ALG8: variants seen among roughly 807,000 people sequenced by gnomAD.
ALG8 encodes the protein dolichyl pyrophosphate Glc1Man9GlcNAc2 alpha-1,3-glucosyltransferase.
ALG8 carries 48 observed loss-of-function variants against 70.2 expected under a neutral mutation model. That is an observed-to-expected ratio of 0.68 (90% CI 0.54 to 0.87). ALG8 has a LOEUF of 0.87. Ranked by LOEUF, ALG8 falls within the 40% of genes least tolerant of loss-of-function variation. ALG8 has a pLI of 0.00. For missense variants in ALG8, 572 were observed against 608.7 expected (o/e 0.94, Z 0.64); for synonymous variants, 234 against 229.0 (o/e 1.02, Z -0.20).
chr11:78,119,029 T>C (rs376643624), intron 5 of ALG8, among the ~76,000 whole-genome samples, 153 bp downstream of exon 5: 46 of 152,356 alleles, frequency 3.0e-4, no homozygotes, highest in African/African-American at 9.6e-4. Context: ...AAAGAGAAGA[T>C]GGAATTTGTG....
At chr11:78,120,537 A>C (rs1312798010) in intron 4 of ALG8, among the ~76,000 whole-genome samples, 1 of 152,192 alleles carries the variant, frequency 6.6e-6, no homozygotes, top group African/African-American at 2.4e-5. Context: ...GTTACATTGA[A>C]ACCAGAGGCT....
intron 3 of ALG8, among the ~76,000 whole-genome samples, chr11:78,121,413 T>C (rs1343341355): frequency 6.6e-6 from 1 of 151,490 alleles, no homozygotes; most frequent in African/African-American, 2.4e-5. Context: ...CCAAAGTCCA[T>C]GCCATTCTTT....
intron 10 of ALG8, among the ~76,000 whole-genome samples, chr11:78,105,208 T>C (rs1229283897): frequency 6.6e-6 from 1 of 152,174 alleles, no homozygotes; most frequent in Non-Finnish European, 1.5e-5. Flanking sequence ...AGCTGCTAAA[T>C]AAACCCAGAC....
At chr11:78,112,484 G>A (rs1268292315) in intron 8 of ALG8, 166 bp downstream of exon 8, 3 of 926,568 alleles carry the variant, frequency 3.2e-6, no homozygotes, top group African/African-American at 1.7e-5. Context: ...CTGCACTAAA[G>A]CCTCAGTCCC....
rs928560857 is a variant in ALG8, at chr11:78,130,361, A to AAAAAAAAGAAAAGAAAAGAAAG, written c.96-2926_96-2925insCTTTCTTTTCTTTTCTTTTTTT. ...AAGACCCGGTCTCAAAAAAAAAAAAAAAAAAAGGTGAGAATATCAATACCT... is the reference window on the plus strand; with the variant it reads ...AAGACCCGGTCTCAAAAAAAAAAAAAAAAAAAAGAAAAGAAAAGAAAGAAAAAAGGTGAGAATATCAATACCT... On this transcript the variant is annotated intron_variant, in intron 1 of 12. Transcript: ENST00000299626. Among the ~76,000 whole-genome samples, 164 of 132,694 alleles carry AAAAAAAAGAAAAGAAAAGAAAG rather than the reference A, an allele frequency of 1.2e-3. 7 individuals are homozygous for AAAAAAAAGAAAAGAAAAGAAAG. The highest frequency in any genetic ancestry group is 4.7e-3 in the African/African-American group (148 of 31,686). The allele number at this position is 132,694 out of a possible 152,430, so 87.1% of individuals were successfully genotyped here.
At chr11:78,139,361 TAGCAAAGGCA>T (rs1270497618) in intron 1 of ALG8, 123 bp downstream of exon 1, 29 of 916,776 alleles carry the variant, frequency 3.2e-5, no homozygotes, top group Non-Finnish European at 4.7e-5. Context: ...ACAGAAAGCT[TAGCAAAGGCA>T]GGATAGCGAC....
At chr11:78,120,486 T>C (rs768059843) in intron 4 of ALG8, among the ~76,000 whole-genome samples, 3 of 149,324 alleles carry the variant, frequency 2.0e-5, no homozygotes, top group African/African-American at 5.2e-5. Context: ...CATCTACTCA[T>C]GGTTCTAAAG....
intron 3 of ALG8, 101 bp from the exon 4 acceptor site, chr11:78,121,275 C>A: frequency 3.8e-6 from 3 of 788,170 alleles, no homozygotes; most frequent in Non-Finnish European, 6.4e-6. Context: ...TCCTGACAAA[C>A]TACATGCCAT....
Position 78,124,148 on chromosome 11 carries a change from C to T in ALG8, c.241G>A (p.Val81Ile). The change falls in exon 3 of 13, where the codon GTT (valine) becomes ATT (isoleucine). Residue 81 changes from valine to isoleucine, a missense_variant. Coordinates refer to ENST00000299626, the MANE Select transcript of ALG8 (RefSeq NM_024079.5). ...ATTTCTTGATCAAAATATTTGGCAA[C>T]ATGTGACAGGATATACTCAAACCAT... ...FAWFEYILSH[V>I]AKYFDQEMLN... The T allele has an allele frequency of 6.2e-7, 1 of 1,614,108 alleles. No individual in the cohort carries two copies. The highest frequency in any genetic ancestry group is 1.7e-4 in the Middle Eastern group (1 of 6,060).
intron 3 of ALG8, 59 bp downstream of exon 3, chr11:78,123,962 C>G: frequency 6.3e-7 from 1 of 1,577,658 alleles, no homozygotes; most frequent in Non-Finnish European, 8.7e-7. Context: ...GTTAATACTA[C>G]TTAACACTGT....
In ALG8 at chr11:78,127,449, A is replaced by T; in HGVS notation, c.96-13T>A. 6.2e-7 allele frequency: 1 copy of T among 1,607,958 alleles called. No homozygotes were observed. The highest frequency in any genetic ancestry group is 8.5e-7 in the Non-Finnish European group (1 of 1,174,538). On this transcript the variant is annotated splice_polypyrimidine_tract_variant and intron_variant, in intron 1 of 12. Coordinates refer to ENST00000299626, the MANE Select transcript of ALG8 (RefSeq NM_024079.5). ...ATCTGTGGAATGGCTACTCAAAACA[A>T]TTAGATAAATAAAATGAGATTTTGC...
chr11:78,119,175 T>C lies in ALG8; in HGVS notation c.546+7A>G, dbSNP rs771817128. 27 of 1,595,486 alleles carry C rather than the reference T, an allele frequency of 1.7e-5. No homozygotes were observed. The highest frequency in any genetic ancestry group is 2.2e-5 in the East Asian group (1 of 44,692). ...GGGAAAAAATCTAATTAAACAATTA[T>C]GTTTACCTGAAATAATCGTGCAATG... On this transcript the variant is annotated splice_region_variant and intron_variant, in intron 5 of 12. Transcript: ENST00000299626.
At chr11:78,118,006 G>C (rs1199052762) in intron 5 of ALG8, among the ~76,000 whole-genome samples, 1 of 150,558 alleles carries the variant, frequency 6.6e-6, no homozygotes, top group African/African-American at 2.5e-5. Flanking sequence ...AGGAGAAGGA[G>C]CTTGCAGTGA....
At chr11:78,131,752 C>T (rs1395332633) in intron 1 of ALG8, among the ~76,000 whole-genome samples, 1 of 152,160 alleles carries the variant, frequency 6.6e-6, no homozygotes, top group African/African-American at 2.4e-5. Flanking sequence ...AGGTGTGAGC[C>T]ACTGCACCCA....
intron 7 of ALG8, among the ~76,000 whole-genome samples, 166 bp downstream of exon 7, chr11:78,113,720 A>C (rs1398586182): frequency 9.2e-5 from 2 of 21,776 alleles, no homozygotes; most frequent in African/African-American, 5.3e-4. Flanking sequence ...CTTAAACAAA[A>C]ACAAAAAAAA....
At chr11:78,121,276 T>G in intron 3 of ALG8, 102 bp from the exon 4 acceptor site, 1 of 776,268 alleles carries the variant, frequency 1.3e-6, no homozygotes, top group South Asian at 1.5e-5. Flanking sequence ...CCTGACAAAC[T>G]ACATGCCATT....
chr11:78,122,404 G>A (rs529238768), intron 3 of ALG8, among the ~76,000 whole-genome samples: 2 of 150,596 alleles, frequency 1.3e-5, no homozygotes, highest in African/African-American at 4.9e-5. Flanking sequence ...GTGCAGTGGC[G>A]TAATCACAGC....
At chr11:78,114,103 G>T in intron 6 of ALG8, 114 bp from the exon 7 acceptor site, 1 of 1,354,870 alleles carries the variant, frequency 7.4e-7, no homozygotes, top group Non-Finnish European at 1.0e-6. Context: ...ATCTATTCAT[G>T]ATGTGGCAAG....
At chr11:78,116,535 T>C (rs1233111369) in intron 5 of ALG8, among the ~76,000 whole-genome samples, 1 of 152,062 alleles carries the variant, frequency 6.6e-6, no homozygotes, top group Non-Finnish European at 1.5e-5. Context: ...TTGGCTAACA[T>C]GGCGAAACCC....
Sources: gnomAD v4.1 joint callset for allele counts (sites outside exome capture counted in the v4.1 genomes callset) on GRCh38, gnomAD v4.1.1 for gene constraint, MANE v1.5 for transcripts, NCBI Gene and HGNC (gene_info 2026-07-23, HGNC 2026-07-21) for gene names.